Variants in THBS1 observed in about 807,000 individuals in gnomAD.
THBS1 encodes thrombospondin 1.
THBS1 carries 29 observed loss-of-function variants against 126.1 expected under a neutral mutation model. That is an observed-to-expected ratio of 0.23 (90% CI 0.17 to 0.31). THBS1 has a LOEUF of 0.31. THBS1 is among the 10% of genes least tolerant of loss of function. THBS1 has a pLI of 1.00. For missense variants in THBS1, 1,198 were observed against 1,545.2 expected, an observed-to-expected ratio of 0.78 and a Z score of 3.77; for synonymous variants, 496 against 577.8, an observed-to-expected ratio of 0.86 and a Z score of 2.03.
rs1304389354 is a variant in THBS1, at chr15:39,598,613, C to T, written c.*3244C>T. 1.3e-5 allele frequency: 2 copies of T among 152,194 alleles called. No homozygotes were observed. The highest frequency in any genetic ancestry group is 2.9e-5 in the Non-Finnish European group (2 of 68,030). 9.4% of individuals were successfully genotyped at this position (152,194 alleles called of 1,614,324 possible). A position where few individuals can be genotyped will look rare whatever the true frequency, so the allele number is the denominator to read the frequency against. ...TGGAAAGAGGAGCTTTTCTTCCAGG[C>T]ATGTTCCAGTTTCACCCTAAGACTG... On this transcript the variant is annotated 3_prime_UTR_variant, in exon 22 of 22. Coordinates refer to ENST00000260356, the MANE Select transcript of THBS1 (RefSeq NM_003246.4).
chr15:39,588,834 T>C (rs1404325090), intron 10 of THBS1, 125 bp from the exon 11 acceptor site: 2 of 1,588,528 alleles, frequency 1.3e-6, no homozygotes, highest in Non-Finnish European at 1.7e-6. Context: ...GTGGACAACA[T>C]AATCCCAACA....
Position 39,595,969 on chromosome 15 carries a change from C to T in THBS1, c.*600C>T. Reference sequence around the variant, plus strand: ...GCTGACTGGCGTTAGCTGATTAACCCATGTAAATAGGCACTTAAATAGAAG... The same window carrying T: ...GCTGACTGGCGTTAGCTGATTAACCTATGTAAATAGGCACTTAAATAGAAG... On this transcript the variant is annotated 3_prime_UTR_variant, in exon 22 of 22. Coordinates refer to ENST00000260356, the MANE Select transcript of THBS1 (RefSeq NM_003246.4). The T allele has an allele frequency of 2.4e-6, 1 of 416,760 alleles. No individual in the cohort carries two copies. 25.8% of individuals were successfully genotyped at this position (416,760 alleles called of 1,614,324 possible).
chr15:39,597,351 G>A lies in THBS1; in HGVS notation c.*1982G>A, dbSNP rs1178201918. 1.2e-5 allele frequency: 1 copy of A among 82,400 alleles called. No individual in the cohort carries two copies. Among genetic ancestry groups the A allele is most frequent in the Non-Finnish European group, 2.4e-5 (1 of 41,496 alleles). The allele number at this position is 82,400 out of a possible 1,614,324, so 5.1% of individuals were successfully genotyped here. The stretch of plus-strand genomic sequence containing the variant: ...TTTGCCAATACCTTTTTCTAGGAAT[G>A]TGCTTTTTTTTGTACACATTTTTAT... On this transcript the variant is annotated 3_prime_UTR_variant, in exon 22 of 22. Coordinates refer to ENST00000260356, the MANE Select transcript of THBS1 (RefSeq NM_003246.4).
At chr15:39,583,958 A>T in intron 4 of THBS1, 30 bp from the exon 5 acceptor site, 2 of 1,612,510 alleles carry the variant, frequency 1.2e-6, no homozygotes, top group Admixed American at 1.7e-5. Flanking sequence ...AAGAGTATCT[A>T]TTTGAAGTTT....
In THBS1 at chr15:39,587,460, C is replaced by A. The variant is rs1385760687; in HGVS notation, c.1234C>A (p.Arg412=). The stretch of plus-strand genomic sequence containing the variant: ...CCGCTCCTGCGATAGCCTCAACAAC[C>A]GATGTGAGGGCTCCTCGGTCCAGAC... ...RGRSCDSLNN[R]CEGSSVQTRT... is the part of the protein sequence containing the mutation. Residue 412 remains arginine (R), a synonymous_variant, in exon 8 of 22, where the codon CGA becomes AGA. Coordinates refer to ENST00000260356, the MANE Select transcript of THBS1 (RefSeq NM_003246.4). 6.2e-7 allele frequency: 1 copy of A among 1,613,810 alleles called. No individual in the cohort carries two copies. Among genetic ancestry groups the A allele is most frequent in the South Asian group, 1.1e-5 (1 of 91,056 alleles).
At chr15:39,582,904 C>A in intron 3 of THBS1, 152 bp downstream of exon 3, 1 of 832,020 alleles carries the variant, frequency 1.2e-6, no homozygotes, top group Non-Finnish European at 1.8e-6. Flanking sequence ...TGTGAAAGCT[C>A]ACCCTGCTGC....
Position 39,582,360 on chromosome 15 carries a change from G to A in THBS1, c.235G>A (p.Val79Met), listed in dbSNP as rs772463190. 126 of 1,614,076 alleles carry A rather than the reference G, an allele frequency of 7.8e-5. No homozygotes were observed. The highest frequency in any genetic ancestry group is 4.4e-5 in the South Asian group (4 of 91,092). The change falls in exon 3 of 22, where the codon GTG (valine) becomes ATG (methionine). Residue 79 changes from valine to methionine, a missense_variant. Coordinates refer to ENST00000260356, the MANE Select transcript of THBS1 (RefSeq NM_003246.4). ...GCCTGATGACAAGTTCCAAGACCTG[G>A]TGGATGCTGTGCGGGCAGAAAAGGG... ...PVPDDKFQDLVDAVRAEKGFL... is the reference protein window; with the variant it reads ...PVPDDKFQDLMDAVRAEKGFL...
chr15:39,587,247 C>T (rs1439651770), intron 7 of THBS1, 100 bp from the exon 8 acceptor site: 30 of 1,199,284 alleles, frequency 2.5e-5, no homozygotes, highest in Non-Finnish European at 3.2e-5. Context: ...AAATATATTG[C>T]TTTTCACCCT....
At position 39,598,739 on chromosome 15, in the gene THBS1, C is replaced by A. The variant is rs978884381; in HGVS notation, c.*3370C>A. The A allele has an allele frequency of 1.3e-5, 2 of 151,954 alleles. No homozygotes were observed. The highest frequency in any genetic ancestry group is 2.9e-5 in the Non-Finnish European group (2 of 68,018). 9.4% of individuals were successfully genotyped at this position (151,954 alleles called of 1,614,324 possible). A position where few individuals can be genotyped will look rare whatever the true frequency, so the allele number is the denominator to read the frequency against. ...TTTTCCTCCTCCAACAGTTTATTGT[C>A]ATGTGTTGTGGGAGAGCTCGAGTGA... On this transcript the variant is annotated 3_prime_UTR_variant, in exon 22 of 22. Coordinates refer to ENST00000260356, the MANE Select transcript of THBS1 (RefSeq NM_003246.4).
chr15:39,588,840 C>T (rs1890265173), intron 10 of THBS1, 119 bp from the exon 11 acceptor site: 2 of 1,592,270 alleles, frequency 1.3e-6, no homozygotes, highest in Non-Finnish European at 8.6e-7. Context: ...AACATAATCC[C>T]AACAAGTTAT....
At position 39,595,535 on chromosome 15, in the gene THBS1, T is replaced by C. The variant is rs1014870753; in HGVS notation, c.*166T>C. ...GAACGTGCGACCTGCCTCAAGAAAA[T>C]GCAGTTTTCAAAAACAGACTCAGCA... On this transcript the variant is annotated 3_prime_UTR_variant, in exon 22 of 22. Coordinates refer to ENST00000260356, the MANE Select transcript of THBS1 (RefSeq NM_003246.4). 3 of 867,772 alleles carry C rather than the reference T, an allele frequency of 3.5e-6. No homozygotes were observed. Among genetic ancestry groups the C allele is most frequent in the African/African-American group, 3.4e-5 (2 of 59,034 alleles). 53.8% of individuals were successfully genotyped at this position (867,772 alleles called of 1,614,324 possible).
Position 39,593,115 on chromosome 15 carries a change from G to T in THBS1, c.2883G>T (p.Gln961His). 1 of 1,599,514 alleles carries T rather than the reference G, an allele frequency of 6.3e-7. No individual in the cohort carries two copies. The highest frequency in any genetic ancestry group is 8.5e-7 in the Non-Finnish European group (1 of 1,173,566). The stretch of plus-strand genomic sequence containing the variant: ...GTGAGACCGATTTCCGCCGATTCCA[G>T]ATGATTCCTCTGGACCCCAAAGGGA... ...DISETDFRRFQMIPLDPKGTS... is the reference protein window; with the variant it reads ...DISETDFRRFHMIPLDPKGTS... Residue 961 changes from glutamine (Q) to histidine (H), a missense_variant, in exon 18 of 22, where the codon CAG (glutamine) becomes CAT (histidine). By Grantham distance (24) the Gln-to-His change is conservative. This residue lies in a region of THBS1 where 255 missense variants were observed against 373.9 expected (regional missense o/e 0.68). Coordinates refer to ENST00000260356, the MANE Select transcript of THBS1 (RefSeq NM_003246.4). This position sits in a 1 kb window ranked among gnomAD's most constrained non-coding sequence, Gnocchi z 5.9.
intron 7 of THBS1, chr15:39,586,602 T>C (rs1027132633): frequency 6.6e-6 from 1 of 152,176 alleles, no homozygotes; most frequent in African/African-American, 2.4e-5. Context: ...ACAAACTGAC[T>C]AACTCACGGC....
In THBS1 at chr15:39,599,121, C is replaced by T. The variant is rs1890552361; in HGVS notation, c.*3752C>T. 6.6e-6 allele frequency: 1 copy of T among 152,104 alleles called. No individual in the cohort carries two copies. Among genetic ancestry groups the T allele is most frequent in the East Asian group, 1.9e-4 (1 of 5,194 alleles). 9.4% of individuals were successfully genotyped at this position (152,104 alleles called of 1,614,324 possible). ...TGTATTTTTAGTAAAGACGGGGTTTCACCTTGTTCCGGACAAACACTAAGC... is the reference window on the plus strand; with the variant it reads ...TGTATTTTTAGTAAAGACGGGGTTTTACCTTGTTCCGGACAAACACTAAGC... On this transcript the variant is annotated 3_prime_UTR_variant, in exon 22 of 22. Transcript: ENST00000260356.
In THBS1 at chr15:39,589,237, T is replaced by C. The variant is rs1890278160; in HGVS notation, c.1809T>C (p.Asn603=). 6.2e-7 allele frequency: 1 copy of C among 1,613,658 alleles called. No homozygotes were observed. Among genetic ancestry groups the C allele is most frequent in the African/African-American group, 1.3e-5 (1 of 74,948 alleles). ...TGCCTGATGCCTGCTTCAACCACAA[T>C]GGAGAGCACCGGTGTGAGAACACGG... ...KEVPDACFNH[N]GEHRCENTDP... The change falls in exon 12 of 22, where the codon AAT becomes AAC. Residue 603 remains asparagine (N), a synonymous_variant. Coordinates refer to ENST00000260356, the MANE Select transcript of THBS1 (RefSeq NM_003246.4). The surrounding 1 kb of genome is among the most constrained non-coding windows in gnomAD (Gnocchi z 4.7).
chr15:39,586,679 T>A (rs1424600222), intron 7 of THBS1: 1 of 152,222 alleles, frequency 6.6e-6, no homozygotes, highest in Non-Finnish European at 1.5e-5. Context: ...ACATGGTGTA[T>A]GGCTCCCCTG....
rs1392871711 is a variant in THBS1, at chr15:39,596,833, T to C, written c.*1464T>C. ...AGGAAAGCATATACACTTTTTTCTT[T>C]CATTTTTCCAAAAGAGAAAAAAATG... On this transcript the variant is annotated 3_prime_UTR_variant, in exon 22 of 22. Coordinates refer to ENST00000260356, the MANE Select transcript of THBS1 (RefSeq NM_003246.4). 6.6e-6 allele frequency: 1 copy of C among 152,224 alleles called. No homozygotes were observed. Among genetic ancestry groups the C allele is most frequent in the Non-Finnish European group, 1.5e-5 (1 of 68,034 alleles). 9.4% of individuals were successfully genotyped at this position (152,224 alleles called of 1,614,324 possible). A position where few individuals can be genotyped will look rare whatever the true frequency, so the allele number is the denominator to read the frequency against.
chr15:39,595,522 T>C lies in THBS1; in HGVS notation c.*153T>C. 1.0e-6 allele frequency: 1 copy of C among 998,510 alleles called. No individual in the cohort carries two copies. Among genetic ancestry groups the C allele is most frequent in the Admixed American group, 2.7e-5 (1 of 36,836 alleles). 61.9% of individuals were successfully genotyped at this position (998,510 alleles called of 1,614,324 possible). A position where few individuals can be genotyped will look rare whatever the true frequency, so the allele number is the denominator to read the frequency against. ...GTGTGGACTCCTAGAACGTGCGACC[T>C]GCCTCAAGAAAATGCAGTTTTCAAA... is the stretch of plus-strand genomic sequence containing the variant. On this transcript the variant is annotated 3_prime_UTR_variant, in exon 22 of 22. Coordinates refer to ENST00000260356, the MANE Select transcript of THBS1 (RefSeq NM_003246.4).
At chr15:39,590,809 T>C in intron 14 of THBS1, 186 bp downstream of exon 14, 1 of 594,394 alleles carries the variant, frequency 1.7e-6, no homozygotes, top group Non-Finnish European at 2.9e-6. Flanking sequence ...AATTTTTAAA[T>C]GAGGGTTTTG....
Sources: gnomAD v4.1 joint callset for allele counts on GRCh38, gnomAD v4.1.1 for gene constraint, gnomAD v4.1.1 regional missense constraint, Gnocchi (gnomAD v3.1) non-coding constraint, MANE v1.5 for transcripts, NCBI Gene and HGNC (gene_info 2026-07-23, HGNC 2026-07-21) for gene names.